Variants in ITGB4 observed in about 807,000 individuals in gnomAD.
ITGB4 encodes the protein integrin subunit beta 4, also known as integrin beta-4.
A neutral mutation model predicts 207.6 loss-of-function variants in ITGB4; 159 were observed. The observed-to-expected ratio is 0.77, with a 90% CI of 0.67 to 0.87. ITGB4 has a LOEUF of 0.87. Among genes scored for constraint, ITGB4 ranks in the 40% least tolerant of loss-of-function variants. The probability of loss-of-function intolerance (pLI) is 0.00; values close to 1 mark genes in which losing one functional copy is unlikely to be tolerated. For missense variants in ITGB4, 2,278 were observed against 2,546.8 expected, an observed-to-expected ratio of 0.89 and a Z score of 2.27; for synonymous variants, 1,020 against 1,062.7, an observed-to-expected ratio of 0.96 and a Z score of 0.78.
intron 25 of ITGB4, among the ~76,000 whole-genome samples, chr17:75,743,449 T>G (rs2061162078): frequency 1.3e-5 from 2 of 152,058 alleles, no homozygotes; most frequent in African/African-American, 2.4e-5. Flanking sequence ...GCCAGGCTGG[T>G]CTCGAACTCC....
In ITGB4 at chr17:75,742,127, C is replaced by T. The variant is rs1043408426; in HGVS notation, c.2634-214C>T. 2.6e-5 allele frequency among the ~76,000 whole-genome samples: 4 copies of T among 152,214 alleles called. No individual in the cohort carries two copies. The highest frequency in any genetic ancestry group is 7.2e-5 in the African/African-American group (3 of 41,470). On this transcript the variant is annotated intron_variant, in intron 23 of 39. Transcript: ENST00000200181. This position sits in a 1 kb window ranked among gnomAD's most constrained non-coding sequence, Gnocchi z 5.9. ...GAGAAGCCCATTTCACAGAGGAGGA[C>T]GCTGAGGACAGGGAGGCGCCATGGC...
In ITGB4 at chr17:75,740,773, G is replaced by A. The variant is rs1461939805; in HGVS notation, c.2551-20G>A. The A allele has an allele frequency of 1.2e-6, 2 of 1,612,262 alleles. No individual in the cohort carries two copies. Among genetic ancestry groups the A allele is most frequent in the African/African-American group, 1.3e-5 (1 of 74,886 alleles). ...CGGGGTGGCCTAGGCCCAGCCTCAC[G>A]CCCCTCCCTTGCCTGGCAGCTGAAC... On this transcript the variant is annotated intron_variant, in intron 21 of 39. Coordinates refer to ENST00000200181, the MANE Select transcript of ITGB4 (RefSeq NM_000213.5). This position sits in a 1 kb window ranked among gnomAD's most constrained non-coding sequence, Gnocchi z 5.9.
In ITGB4 at chr17:75,736,660, C is replaced by T. The variant is rs749079478; in HGVS notation, c.1956C>T (p.Asn652=). 1 of 1,598,768 alleles carries T rather than the reference C, an allele frequency of 6.3e-7. No individual in the cohort carries two copies. The highest frequency in any genetic ancestry group is 1.1e-5 in the South Asian group (1 of 88,020). The change falls in exon 16 of 40, where the codon AAC becomes AAT. Residue 652 remains asparagine (N), a synonymous_variant. Transcript: ENST00000200181. ...AGGGGCGCACGTGTGAGGAATGCAACTTCAAGGTCAAGATGGTGGACGAGC... is the reference window on the plus strand; with the variant it reads ...AGGGGCGCACGTGTGAGGAATGCAATTTCAAGGTCAAGATGGTGGACGAGC... ...EKKGRTCEEC[N]FKVKMVDELK...
In ITGB4 at chr17:75,732,199, G is replaced by A. The variant is rs773794609; in HGVS notation, c.1414G>A (p.Gly472Arg). 11 of 1,613,996 alleles carry A rather than the reference G, an allele frequency of 6.8e-6. No individual in the cohort carries two copies. The highest frequency in any genetic ancestry group is 3.3e-5 in the South Asian group (3 of 91,096). The change falls in exon 12 of 40, where the codon GGA becomes AGA. Residue 472 changes from glycine to arginine, a missense_variant. Coordinates refer to ENST00000200181, the MANE Select transcript of ITGB4 (RefSeq NM_000213.5). This position sits in a 1 kb window ranked among gnomAD's most constrained non-coding sequence, Gnocchi z 5.3. ...EVRSARCSFNGDFVCGQCVCS... is the reference protein window; with the variant it reads ...EVRSARCSFNRDFVCGQCVCS... ...GCGGTCAGCTCGCTGCAGCTTCAAC[G>A]GAGACTTCGTGTGCGGACAGTGTGT...
At position 75,750,508 on chromosome 17, in the gene ITGB4, T is replaced by C. The variant is rs2061343199; in HGVS notation, c.3475-172T>C. On this transcript the variant is annotated intron_variant, in intron 28 of 39. Transcript: ENST00000200181. This position sits in a 1 kb window ranked among gnomAD's most constrained non-coding sequence, Gnocchi z 5.5. ...CCCCCTCCCACCCCCGCATGGGAGA[T>C]ACCCCCACCTGCTCTGCCCTAGTCC... Among the ~76,000 whole-genome samples, 1 of 152,062 alleles carries C rather than the reference T, an allele frequency of 6.6e-6. No individual in the cohort carries two copies. Among genetic ancestry groups the C allele is most frequent in the Non-Finnish European group, 1.5e-5 (1 of 67,976 alleles).
rs988618590 is a variant in ITGB4, at chr17:75,752,046, G to A, written c.3794-128G>A. 10 of 1,010,864 alleles carry A rather than the reference G, an allele frequency of 9.9e-6. No homozygotes were observed. In the African/African-American group the frequency reaches 1.6e-4, roughly 16 times the overall value. The allele number at this position is 1,010,864 out of a possible 1,614,324, so 62.6% of individuals were successfully genotyped here. On this transcript the variant is annotated intron_variant, in intron 30 of 39. Transcript: ENST00000200181. ...CGCAGGCGGCAATTCAGCAGTGGCT[G>A]GCTTTGCCTTGCTTCCCCAGCCCCT...
intron 1 of ITGB4, among the ~76,000 whole-genome samples, 158 bp downstream of exon 1, chr17:75,721,770 G>A (rs961447609): frequency 2.6e-5 from 4 of 152,242 alleles, no homozygotes; most frequent in Non-Finnish European, 4.4e-5. Flanking sequence ...GTGCGCCGGG[G>A]GCAGCTGGCA....
In ITGB4 at chr17:75,756,637, C is replaced by T; in HGVS notation, c.4897+20C>T. On this transcript the variant is annotated intron_variant, in intron 36 of 39. Coordinates refer to ENST00000200181, the MANE Select transcript of ITGB4 (RefSeq NM_000213.5). The stretch of plus-strand genomic sequence containing the variant: ...TGCCAGGTGAGTTGCCTCCCCCAGC[C>T]CCAGAGCTGCCCCCATCATGCCCAC... 2 of 1,612,880 alleles carry T rather than the reference C, an allele frequency of 1.2e-6. No individual in the cohort carries two copies. Among genetic ancestry groups the T allele is most frequent in the Non-Finnish European group, 1.7e-6 (2 of 1,179,888 alleles).
chr17:75,721,473 G>T lies in ITGB4; in HGVS notation c.-150G>T, dbSNP rs1325670050. 1.6e-5 allele frequency: 1 copy of T among 61,728 alleles called. No individual in the cohort carries two copies. The highest frequency in any genetic ancestry group is 6.0e-5 in the African/African-American group (1 of 16,760). 3.8% of individuals were successfully genotyped at this position (61,728 alleles called of 1,614,324 possible). A position where few individuals can be genotyped will look rare whatever the true frequency, so the allele number is the denominator to read the frequency against. On this transcript the variant is annotated 5_prime_UTR_variant, in exon 1 of 40. Transcript: ENST00000200181. The stretch of plus-strand genomic sequence containing the variant: ...TCGTCCCCACCCCCCCAACCCCCGC[G>T]CCCGCCCTCGGACAGTCCCTGCTCG...
intron 25 of ITGB4, 72 bp from the exon 26 acceptor site, chr17:75,743,641 G>T (rs2061167411): frequency 1.2e-6 from 2 of 1,605,674 alleles, no homozygotes; most frequent in Non-Finnish European, 8.5e-7. Context: ...GGCTGGGCAG[G>T]GTCACAGGAG....
chr17:75,751,792 C>G (rs573768722), intron 30 of ITGB4: 1 of 316,362 alleles, frequency 3.2e-6, no homozygotes, highest in Non-Finnish European at 6.1e-6. Flanking sequence ...TCTAGCAGCC[C>G]GAGATCAGAG....
chr17:75,751,123 A>G lies in ITGB4; in HGVS notation c.3793+12A>G. Reference sequence around the variant, plus strand: ...CAACGATGACAACCGTAAGAACCAGATCCTTCTTTCCTGCCCACAGGGAGA... The same window carrying G: ...CAACGATGACAACCGTAAGAACCAGGTCCTTCTTTCCTGCCCACAGGGAGA... On this transcript the variant is annotated intron_variant, in intron 30 of 39. Coordinates refer to ENST00000200181, the MANE Select transcript of ITGB4 (RefSeq NM_000213.5). 6.2e-7 allele frequency: 1 copy of G among 1,612,610 alleles called. No individual in the cohort carries two copies. Among genetic ancestry groups the G allele is most frequent in the Non-Finnish European group, 8.5e-7 (1 of 1,179,984 alleles).
rs2060843897 is a variant in ITGB4 at position 75,730,980 on chromosome 17, G to C, written c.1092+16G>C. The C allele has an allele frequency of 6.2e-7, 1 of 1,603,326 alleles. No homozygotes were observed. The highest frequency in any genetic ancestry group is 1.3e-5 in the African/African-American group (1 of 74,822). On this transcript the variant is annotated intron_variant, in intron 9 of 39. Transcript: ENST00000200181. ...GGCCTTCAATGTGAGGGCAGCTCAG[G>C]CTCCAGAGTCTGAGCCCTTCTGGGG...
rs527751758 is a variant in ITGB4, at chr17:75,729,135, G to A, written c.567-130G>A. 1.1e-5 allele frequency: 9 copies of A among 809,998 alleles called. No individual in the cohort carries two copies. The South Asian group carries it at 1.7e-4, about 15-fold the overall frequency. The allele number at this position is 809,998 out of a possible 1,614,324, so 50.2% of individuals were successfully genotyped here. On this transcript the variant is annotated intron_variant, in intron 6 of 39. Coordinates refer to ENST00000200181, the MANE Select transcript of ITGB4 (RefSeq NM_000213.5). This position sits in a 1 kb window ranked among gnomAD's most constrained non-coding sequence, Gnocchi z 4.4. ...ATCGTGCATACCGCACACCAGCCTG[G>A]GTGATAAAGCGAGACTTGGTCTCAA...
intron 13 of ITGB4, among the ~76,000 whole-genome samples, chr17:75,735,213 AAG>A: frequency 6.6e-6 from 1 of 150,856 alleles, no homozygotes; most frequent in East Asian, 2.0e-4. Context: ...TCAGCCTCCC[AAG>A]AAGCTGGGAT....
At chr17:75,737,222 G>A in intron 16 of ITGB4, 100 bp from the exon 17 acceptor site, 1 of 1,450,796 alleles carries the variant, frequency 6.9e-7, no homozygotes, top group Non-Finnish European at 9.4e-7. Flanking sequence ...CCTGCCGTGG[G>A]TGAGGCAGAT....
In ITGB4 at chr17:75,743,915, G is replaced by A. The variant is rs374996880; in HGVS notation, c.3111+54G>A. 28 of 1,525,788 alleles carry A rather than the reference G, an allele frequency of 1.8e-5. No individual in the cohort carries two copies. The East Asian group carries it at 4.2e-4, about 23-fold the overall frequency. 94.5% of individuals were successfully genotyped at this position (1,525,788 alleles called of 1,614,324 possible). A position where few individuals can be genotyped will look rare whatever the true frequency, so the allele number is the denominator to read the frequency against. ...CAGCCCGGGGGGCTGCGTGGGCACC[G>A]CATTGGGTTCCCAAGACAAAGCAGC... is the stretch of plus-strand genomic sequence containing the variant. On this transcript the variant is annotated intron_variant, in intron 26 of 39. Coordinates refer to ENST00000200181, the MANE Select transcript of ITGB4 (RefSeq NM_000213.5).
intron 15 of ITGB4, 54 bp downstream of exon 15, chr17:75,736,440 G>T: frequency 6.2e-7 from 1 of 1,609,538 alleles, no homozygotes; most frequent in Non-Finnish European, 8.5e-7. Flanking sequence ...GCACAGGGCA[G>T]TGTGGGCAGG....
In ITGB4 at chr17:75,731,564, C is replaced by T. The variant is rs543754523; in HGVS notation, c.1215+196C>T. On this transcript the variant is annotated intron_variant, in intron 10 of 39. Transcript: ENST00000200181. The surrounding 1 kb of genome is among the most constrained non-coding windows in gnomAD (Gnocchi z 6.8). ...TTCCTCGGCATGCAAGCGTCGAGCC[C>T]GGAGGCTTGCTGGGGCAGTAAATGG... is the stretch of plus-strand genomic sequence containing the variant. Among the ~76,000 whole-genome samples the T allele has an allele frequency of 1.2e-4, 18 of 152,266 alleles. No individual in the cohort carries two copies. Among genetic ancestry groups the T allele is most frequent in the South Asian group, 2.1e-4 (1 of 4,824 alleles).
Sources: allele counts gnomAD v4.1 joint callset (sites outside exome capture counted in the v4.1 genomes callset), GRCh38; gene constraint gnomAD v4.1.1; non-coding constraint Gnocchi (gnomAD v3.1); transcripts MANE v1.5; gene names NCBI Gene and HGNC (gene_info 2026-07-23, HGNC 2026-07-21).